The following NCALD variants were observed in gnomAD, a reference collection of about 807,000 sequenced individuals.
NCALD encodes the protein neurocalcin delta, also known as neurocalcin-delta.
A neutral mutation model predicts 18.6 loss-of-function variants in NCALD; 10 were observed. That is an observed-to-expected ratio of 0.54 (90% CI 0.33 to 0.91). NCALD has a LOEUF of 0.91. NCALD is among the 40% of genes least tolerant of loss of function. NCALD has a pLI of 0.03. For synonymous variants in NCALD, 88 were observed against 87.4 expected (o/e 1.01, Z -0.04); for missense variants, 184 against 247.6 (o/e 0.74, Z 1.72).
chr8:101,899,361 T>G (rs573564093), intron 3 of NCALD, among the ~76,000 whole-genome samples: 22 of 152,134 alleles, frequency 1.4e-4, no homozygotes, highest in Non-Finnish European at 4.4e-5. Context: ...TTTCTTCCTT[T>G]TTCCTTTCTG....
chr8:101,946,618 A>G (rs1819183914), intron 2 of NCALD, among the ~76,000 whole-genome samples: 1 of 152,116 alleles, frequency 6.6e-6, no homozygotes, highest in Non-Finnish European at 1.5e-5. Flanking sequence ...CTAATATTGC[A>G]GCAAGAACAA....
At chr8:102,066,324 C>T (rs1404183447) in intron 1 of NCALD, among the ~76,000 whole-genome samples, 1 of 152,224 alleles carries the variant, frequency 6.6e-6, no homozygotes, top group African/African-American at 2.4e-5. Flanking sequence ...TCATTTGCTA[C>T]CAGGATCAGC....
chr8:101,754,475 G>C lies in NCALD; in HGVS notation c.-19-34827C>G, dbSNP rs535290828. Among the ~76,000 whole-genome samples the C allele has an allele frequency of 2.0e-5, 3 of 152,238 alleles. No homozygotes were observed. In the South Asian group the frequency reaches 6.2e-4, roughly 32 times the overall value. On this transcript the variant is annotated intron_variant, in intron 1 of 3. Transcript: ENST00000220931. ...AGCAGATTTGATATCTGATATGAGG[G>C]CTGGTTTCCTGCTTCATAGAGGGCA...
At chr8:102,080,030 A>G (rs559640131) in intron 1 of NCALD, among the ~76,000 whole-genome samples, 2 of 152,334 alleles carry the variant, frequency 1.3e-5, no homozygotes, top group East Asian at 3.9e-4. Context: ...CGTGATTGCA[A>G]ACACACAGCC....
chr8:101,874,629 T>C (rs912538520), intron 4 of NCALD, among the ~76,000 whole-genome samples: 2 of 142,464 alleles, frequency 1.4e-5, no homozygotes, highest in African/African-American at 2.6e-5. Context: ...CCTCCAACTC[T>C]TGGGCTCAAG....
chr8:101,952,392 T>G (rs1309762518), intron 2 of NCALD, among the ~76,000 whole-genome samples: 1 of 152,230 alleles, frequency 6.6e-6, no homozygotes, highest in East Asian at 1.9e-4. Flanking sequence ...CCTCTTCCTG[T>G]GGCCTCATCT....
chr8:102,042,079 AACAGTACAC>A (rs1178185586), intron 1 of NCALD, among the ~76,000 whole-genome samples: 7 of 151,974 alleles, frequency 4.6e-5, no homozygotes, highest in African/African-American at 1.7e-4. Flanking sequence ...GTCTAGGCCT[AACAGTACAC>A]ACAGTCCTCA....
chr8:101,858,941 T>C (rs776267562), intron 4 of NCALD, among the ~76,000 whole-genome samples: 2 of 151,952 alleles, frequency 1.3e-5, no homozygotes, highest in Non-Finnish European at 2.9e-5. Context: ...CAGAAAAAAA[T>C]TCAACAATTG....
chr8:101,857,529 T>C (rs971182879), intron 4 of NCALD, among the ~76,000 whole-genome samples: 3 of 152,198 alleles, frequency 2.0e-5, no homozygotes, highest in African/African-American at 7.2e-5. Flanking sequence ...ATACCATTGA[T>C]CCTGCTAGCA....
At chr8:101,776,139 A>G (rs1403958764) in intron 1 of NCALD, among the ~76,000 whole-genome samples, 3 of 152,194 alleles carry the variant, frequency 2.0e-5, no homozygotes, top group Non-Finnish European at 4.4e-5. Flanking sequence ...GTAATGTTCT[A>G]AAACCTGAAA....
intron 1 of NCALD, among the ~76,000 whole-genome samples, chr8:102,079,477 C>A (rs1298350162): frequency 6.6e-6 from 1 of 152,138 alleles, no homozygotes; most frequent in Non-Finnish European, 1.5e-5. Context: ...GAAGGATGAG[C>A]ACCTCCTGTC....
chr8:101,891,599 T>C (rs1414268153), intron 3 of NCALD, among the ~76,000 whole-genome samples: 2 of 152,126 alleles, frequency 1.3e-5, no homozygotes, highest in African/African-American at 2.4e-5. Flanking sequence ...CCATCTGAGG[T>C]ATCGGGTTCA....
chr8:101,835,213 G>A (rs921953286), intron 4 of NCALD, among the ~76,000 whole-genome samples: 1 of 152,230 alleles, frequency 6.6e-6, no homozygotes, highest in African/African-American at 2.4e-5. Context: ...ACAGCCCCGT[G>A]CAGTAAGTGC....
chr8:102,018,943 T>TA (rs1284191445), intron 2 of NCALD, among the ~76,000 whole-genome samples: 1 of 152,006 alleles, frequency 6.6e-6, no homozygotes, highest in African/African-American at 2.4e-5. Flanking sequence ...CTTCTGTTCA[T>TA]AAAAAAGAGT....
intron 1 of NCALD, among the ~76,000 whole-genome samples, chr8:101,732,353 C>T (rs1227922237): frequency 6.6e-6 from 1 of 152,084 alleles, no homozygotes; most frequent in African/African-American, 2.4e-5. Context: ...GAGCTCAAGT[C>T]CCCATTTTTA....
chr8:101,777,764 G>A (rs1420270380), intron 1 of NCALD, among the ~76,000 whole-genome samples: 2 of 152,140 alleles, frequency 1.3e-5, no homozygotes, highest in Non-Finnish European at 2.9e-5. Context: ...CTAAGTGGTG[G>A]AAAATGTGTA....
intron 3 of NCALD, among the ~76,000 whole-genome samples, chr8:101,912,633 T>G (rs1817840907): frequency 6.6e-6 from 1 of 152,212 alleles, no homozygotes; most frequent in South Asian, 2.1e-4. Flanking sequence ...CATTTCTGAT[T>G]TGCCTTTACT....
chr8:101,844,856 A>G (rs1480718346), intron 4 of NCALD, among the ~76,000 whole-genome samples: 1 of 152,182 alleles, frequency 6.6e-6, no homozygotes, highest in African/African-American at 2.4e-5. Flanking sequence ...ATACTACCCA[A>G]TTCTTAAGTA....
intron 2 of NCALD, among the ~76,000 whole-genome samples, chr8:101,976,658 T>A (rs1049424612): frequency 1.6e-4 from 24 of 152,326 alleles, no homozygotes; most frequent in African/African-American, 5.8e-4. Flanking sequence ...GATTCTTTCA[T>A]TAGGAGAATG....
Sources: allele counts gnomAD v4.1 joint callset (sites outside exome capture counted in the v4.1 genomes callset), GRCh38; gene constraint gnomAD v4.1.1; transcripts MANE v1.5; gene names NCBI Gene and HGNC (gene_info 2026-07-23, HGNC 2026-07-21).